WDR48: variants seen among roughly 807,000 people sequenced by gnomAD.
WDR48 encodes the protein WD repeat-containing protein 48.
Under a neutral mutation model 94.0 loss-of-function variants are expected in WDR48, and 22 were observed. The ratio of observed to expected loss-of-function variants is 0.23; its 90% CI spans 0.17 to 0.33. The LOEUF is 0.33. Ranked by LOEUF, WDR48 falls within the 10% of genes least tolerant of loss-of-function variation. The pLI is 1.00. For missense variants in WDR48, 541 were observed against 813.8 expected, an observed-to-expected ratio of 0.66 and a Z score of 4.08; for synonymous variants, 278 against 280.5, an observed-to-expected ratio of 0.99 and a Z score of 0.09.
chr3:39,061,722 T>C (rs1009214032), intron 1 of WDR48, among the ~76,000 whole-genome samples: 30 of 152,198 alleles, frequency 2.0e-4, no homozygotes, highest in Non-Finnish European at 2.5e-4. Flanking sequence ...ACCAACAGTG[T>C]AAAAGCATTC....
chr3:39,093,814 T>C (rs1015979941), intron 17 of WDR48, 60 bp from the exon 18 acceptor site: 5 of 1,383,644 alleles, frequency 3.6e-6, no homozygotes, highest in East Asian at 2.6e-5. Context: ...AAAAATAATA[T>C]GGAATAAATA....
Position 39,077,135 on chromosome 3 carries a change from T to G in WDR48, c.898-4T>G. The G allele has an allele frequency of 6.2e-7, 1 of 1,614,178 alleles. No individual in the cohort carries two copies. The highest frequency in any genetic ancestry group is 8.5e-7 in the Non-Finnish European group (1 of 1,180,024). On this transcript the variant is annotated splice_polypyrimidine_tract_variant and splice_region_variant and intron_variant, in intron 8 of 18. Coordinates refer to ENST00000302313, the MANE Select transcript of WDR48 (RefSeq NM_020839.4). Reference sequence around the variant, plus strand: ...AAAGCAATATTTTTGTGCTTTGTTTTCAGATGGAGCTTGATAGATCAGCTG... The same window carrying G: ...AAAGCAATATTTTTGTGCTTTGTTTGCAGATGGAGCTTGATAGATCAGCTG...
At chr3:39,075,014 G>A (rs2034139549) in intron 8 of WDR48, 64 bp downstream of exon 8, 1 of 1,501,830 alleles carries the variant, frequency 6.7e-7, no homozygotes, top group South Asian at 1.2e-5. Context: ...GCCAAATAGA[G>A]CAAAAGCTAT....
intron 1 of WDR48, among the ~76,000 whole-genome samples, chr3:39,061,434 C>CT: frequency 6.6e-6 from 1 of 152,248 alleles, no homozygotes; most frequent in East Asian, 1.9e-4. Context: ...TGAACTCATC[C>CT]TTTTTTATGG....
intron 7 of WDR48, among the ~76,000 whole-genome samples, chr3:39,072,044 TAATA>T (rs1251898578): frequency 6.6e-6 from 1 of 152,222 alleles, no homozygotes; most frequent in African/African-American, 2.4e-5. Context: ...TGTGAGCTTG[TAATA>T]TAGGGTACCT....
rs753053409 is a variant in WDR48, at chr3:39,074,835, A to G, written c.782A>G (p.Asn261Ser). 22 of 1,614,252 alleles carry G rather than the reference A, an allele frequency of 1.4e-5. No homozygotes were observed. The highest frequency in any genetic ancestry group is 2.2e-5 in the East Asian group (1 of 44,884). ...GAAGGTGTTTGGGCGCTGCAAGTCAATGATGCCTTCACACATGTGTATTCT... is the reference window on the plus strand; with the variant it reads ...GAAGGTGTTTGGGCGCTGCAAGTCAGTGATGCCTTCACACATGTGTATTCT... ...HDEGVWALQV[N>S]DAFTHVYSGG... The change falls in exon 8 of 19, where the codon AAT becomes AGT. Residue 261 changes from asparagine to serine, a missense_variant. By Grantham distance (46) the Asn-to-Ser change is conservative. Transcript: ENST00000302313.
At chr3:39,068,904 T>G in intron 6 of WDR48, 45 bp downstream of exon 6, 2 of 1,349,782 alleles carry the variant, frequency 1.5e-6, no homozygotes, top group South Asian at 1.4e-5. Flanking sequence ...AAATTATTTT[T>G]CACATACCTT....
At chr3:39,066,990 G>A in intron 5 of WDR48, 115 bp downstream of exon 5, 2 of 1,283,192 alleles carry the variant, frequency 1.6e-6, no homozygotes, top group Non-Finnish European at 2.2e-6. Flanking sequence ...TATTTTGAGA[G>A]TGCTTCTACC....
Position 39,091,686 on chromosome 3 carries a change from CA to C in WDR48, c.1735del (p.Thr579ProfsTer2). ...CTCCAACCTCATGCATCTTCAGGAG[CA>C]AAAACCTTAAAAAAGTAAGTAAATA... ...FYLQPHASSG[A>X]KTLKKDRLSA... is the part of the protein sequence containing the mutation. On this transcript the variant is annotated frameshift_variant, in exon 17 of 19. Coordinates refer to ENST00000302313, the MANE Select transcript of WDR48 (RefSeq NM_020839.4). LOFTEE classifies it high-confidence loss of function. 2 of 1,604,006 alleles carry C rather than the reference CA, an allele frequency of 1.2e-6. No individual in the cohort carries two copies. The highest frequency in any genetic ancestry group is 1.7e-5 in the Admixed American group (1 of 57,338).
intron 1 of WDR48, among the ~76,000 whole-genome samples, chr3:39,053,615 T>G (rs879608417): frequency 1.4e-4 from 21 of 152,102 alleles, no homozygotes; most frequent in Middle Eastern, 3.4e-3. Context: ...CTTAGGAGAG[T>G]AAGGGTAGTT....
chr3:39,078,265 C>T (rs1017359281), intron 10 of WDR48, 26 bp downstream of exon 10: 1 of 1,515,284 alleles, frequency 6.6e-7, no homozygotes, highest in Non-Finnish European at 9.1e-7. Flanking sequence ...GTACTGTACC[C>T]CTTATTGAAG....
chr3:39,069,005 G>A (rs570279304), intron 6 of WDR48, 146 bp downstream of exon 6: 3 of 590,936 alleles, frequency 5.1e-6, no homozygotes, highest in East Asian at 3.0e-5. Flanking sequence ...CCAGGTTGGG[G>A]TGCAGTGGCA....
intron 7 of WDR48, among the ~76,000 whole-genome samples, chr3:39,072,906 T>C (rs535863593): frequency 1.3e-5 from 2 of 152,314 alleles, no homozygotes; most frequent in South Asian, 4.1e-4. Context: ...AGTCTTAGAA[T>C]ACTGATTACC....
intron 3 of WDR48, 76 bp downstream of exon 3, chr3:39,065,965 T>G: frequency 1.8e-6 from 2 of 1,099,478 alleles, no homozygotes; most frequent in Non-Finnish European, 2.6e-6. Context: ...TATTGAAACA[T>G]ACATACAGAA....
Position 39,095,109 on chromosome 3 carries a change from GTC to G in WDR48, c.*370_*371del, listed in dbSNP as rs1286152357. The G allele has an allele frequency of 1.3e-5, 3 of 231,690 alleles. No individual in the cohort carries two copies. The highest frequency in any genetic ancestry group is 1.0e-4 in the Admixed American group (2 of 19,958). The allele number at this position is 231,690 out of a possible 1,614,324, so 14.4% of individuals were successfully genotyped here. A position where few individuals can be genotyped will look rare whatever the true frequency, so the allele number is the denominator to read the frequency against. ...GAGACACCTCAGTCGGGCCACAACT[GTC>G]TCTGTTTCAACTTTAAGCCCACACA... On this transcript the variant is annotated 3_prime_UTR_variant, in exon 19 of 19. Transcript: ENST00000302313.
At chr3:39,059,054 G>A (rs1403920898) in intron 1 of WDR48, among the ~76,000 whole-genome samples, 1 of 132,422 alleles carries the variant, frequency 7.6e-6, no homozygotes, top group Non-Finnish European at 1.5e-5. Context: ...CAGCCTGGGC[G>A]ATACAGTGAG....
chr3:39,091,602 C>A, intron 16 of WDR48, 23 bp from the exon 17 acceptor site: 1 of 1,568,962 alleles, frequency 6.4e-7, no homozygotes, highest in Non-Finnish European at 8.7e-7. Flanking sequence ...ACTGTTATAC[C>A]TTTTTAACTT....
In WDR48 at chr3:39,066,595, A is replaced by G. The variant is rs2125647632; in HGVS notation, c.316A>G (p.Lys106Glu). 6.2e-7 allele frequency: 1 copy of G among 1,613,912 alleles called. No individual in the cohort carries two copies. Among genetic ancestry groups the G allele is most frequent in the South Asian group, 1.1e-5 (1 of 91,070 alleles). ...GACAGTAAAAGTATGGAATGCACAC[A>G]AGGGATTTTGCATGTCAACATTAAG... is the stretch of plus-strand genomic sequence containing the variant. The part of the protein sequence containing the change: ...DTTVKVWNAH[K>E]GFCMSTLRTH... Residue 106 changes from lysine (K) to glutamate (E), a missense_variant, in exon 4 of 19, where the codon AAG becomes GAG. Physicochemically the swap from Lys to Glu is moderately conservative, Grantham distance 56 (BLOSUM62 1). Around this residue, in one of 5 missense-constraint regions of WDR48, gnomAD observed 0 missense variants for 21.0 expected, o/e 0.00. Transcript: ENST00000302313.
intron 16 of WDR48, 64 bp downstream of exon 16, chr3:39,089,382 C>G: frequency 7.0e-7 from 1 of 1,435,816 alleles, no homozygotes; most frequent in Non-Finnish European, 9.6e-7. Context: ...TTAAGAACTG[C>G]TTTAGACATT....
Sources: gnomAD v4.1 joint callset for allele counts (sites outside exome capture counted in the v4.1 genomes callset) on GRCh38, gnomAD v4.1.1 for gene constraint, gnomAD v4.1.1 regional missense constraint, MANE v1.5 for transcripts, NCBI Gene and HGNC (gene_info 2026-07-23, HGNC 2026-07-21) for gene names.